The following DLG2 variants were observed in gnomAD, a reference collection of about 807,000 sequenced individuals.
DLG2 encodes the protein discs large MAGUK scaffold protein 2.
Under a neutral mutation model 132.5 loss-of-function variants are expected in DLG2, and 45 were observed. The observed-to-expected ratio is 0.34, with a 90% CI of 0.27 to 0.44. The LOEUF (loss-of-function observed/expected upper bound fraction) is 0.44, where lower values mean the gene tolerates loss of function less well. Among genes scored for constraint, DLG2 ranks in the 20% least tolerant of loss-of-function variants. The pLI, the probability that DLG2 is intolerant of heterozygous loss-of-function variation, is 1.00. For synonymous variants in DLG2, 424 were observed against 419.6 expected (o/e 1.01, Z -0.13); for missense variants, 1,045 against 1,196.9 (o/e 0.87, Z 1.87).
intron 5 of DLG2, among the ~76,000 whole-genome samples, chr11:85,144,382 T>A (rs1374723391): frequency 6.6e-6 from 1 of 151,076 alleles, no homozygotes; most frequent in Non-Finnish European, 1.5e-5. Context: ...TTAGCCACTT[T>A]ATGTTTTTCA....
chr11:83,911,843 A>G (rs1349203027), intron 15 of DLG2, among the ~76,000 whole-genome samples: 2 of 152,148 alleles, frequency 1.3e-5, no homozygotes, highest in African/African-American at 4.8e-5. Flanking sequence ...CTAAAAGAAA[A>G]GCAAAAGGTT....
chr11:83,860,366 C>A (rs1029282724), intron 16 of DLG2, among the ~76,000 whole-genome samples: 1 of 152,170 alleles, frequency 6.6e-6, no homozygotes, highest in Non-Finnish European at 1.5e-5. Context: ...CCATGGGAAC[C>A]CACCTCTTAC....
At chr11:84,347,775 G>C (rs954488477) in intron 7 of DLG2, among the ~76,000 whole-genome samples, 13 of 152,142 alleles carry the variant, frequency 8.5e-5, no homozygotes, top group African/African-American at 3.1e-4. Context: ...TGATATAATG[G>C]CAGTTTACCT....
intron 15 of DLG2, among the ~76,000 whole-genome samples, chr11:83,920,760 C>G (rs1488550010): frequency 6.9e-6 from 1 of 145,736 alleles, no homozygotes; most frequent in Non-Finnish European, 1.5e-5. Flanking sequence ...TAGAAAAGTC[C>G]CTTGCTCAAG....
chr11:83,875,714 C>T (rs995141308), intron 15 of DLG2, among the ~76,000 whole-genome samples: 5 of 152,056 alleles, frequency 3.3e-5, no homozygotes, highest in African/African-American at 1.2e-4. Context: ...TGTATATATA[C>T]ATATATGTAT....
Position 84,942,974 on chromosome 11 carries a change from C to T in DLG2, c.357+168687G>A, listed in dbSNP as rs116246380. ...TTGACCCCTTATCATTATATAATGA[C>T]GTTCTTTGTCTCTTTATATAGTTTT... is the stretch of plus-strand genomic sequence containing the variant. On this transcript the variant is annotated intron_variant, in intron 6 of 27. Transcript: ENST00000376104. Among the ~76,000 whole-genome samples the T allele has an allele frequency of 5.3e-3, 811 of 152,180 alleles. 6 individuals are homozygous for T. The highest frequency in any genetic ancestry group is 0.019 in the African/African-American group (786 of 41,510).
At chr11:84,615,391 T>C (rs1467777449) in intron 6 of DLG2, among the ~76,000 whole-genome samples, 1 of 152,132 alleles carries the variant, frequency 6.6e-6, no homozygotes, top group East Asian at 1.9e-4. Context: ...CTGCTCTTGG[T>C]CACCTGAAAT....
rs537924026 is a variant in DLG2 at position 84,578,409 on chromosome 11, A to C, written c.358-43678T>G. Among the ~76,000 whole-genome samples, 14 of 152,294 alleles carry C rather than the reference A, an allele frequency of 9.2e-5. No homozygotes were observed. The East Asian group carries it at 2.5e-3, about 27-fold the overall frequency. On this transcript the variant is annotated intron_variant, in intron 6 of 27. Transcript: ENST00000376104. ...GATGGAGGTTGTACCCTGCAAAGCC[A>C]CAGAGGCAGAGCTGCCCAAGAGCAT...
intron 19 of DLG2, among the ~76,000 whole-genome samples, chr11:83,551,278 T>A (rs2096384323): frequency 6.6e-6 from 1 of 152,154 alleles, no homozygotes; most frequent in Admixed American, 6.6e-5. Context: ...TATACCCTGG[T>A]TCTACTGTTA....
intron 3 of DLG2, among the ~76,000 whole-genome samples, chr11:85,402,740 A>C (rs890581038): frequency 3.9e-5 from 6 of 152,228 alleles, no homozygotes; most frequent in African/African-American, 1.4e-4. Context: ...CATATGAAAA[A>C]ATGCTCATCA....
At chr11:85,550,618 G>A (rs1359368976) in intron 3 of DLG2, among the ~76,000 whole-genome samples, 3 of 152,236 alleles carry the variant, frequency 2.0e-5, no homozygotes, top group African/African-American at 7.2e-5. Flanking sequence ...GGCACCCACT[G>A]TTGCAAGTCC....
At chr11:84,423,199 G>A (rs1364032361) in intron 7 of DLG2, among the ~76,000 whole-genome samples, 1 of 152,020 alleles carries the variant, frequency 6.6e-6, no homozygotes, top group Non-Finnish European at 1.5e-5. Flanking sequence ...GTACAACATT[G>A]CAAATGTATT....
At chr11:84,958,475 A>C (rs891674271) in intron 6 of DLG2, among the ~76,000 whole-genome samples, 3 of 152,216 alleles carry the variant, frequency 2.0e-5, no homozygotes, top group Non-Finnish European at 4.4e-5. Context: ...TAGGGCTTCC[A>C]AATTTGCCTC....
intron 6 of DLG2, among the ~76,000 whole-genome samples, chr11:84,616,047 A>G (rs2099603881): frequency 6.6e-6 from 1 of 152,028 alleles, no homozygotes; most frequent in Non-Finnish European, 1.5e-5. Flanking sequence ...AAATGACAAA[A>G]AAGTACTATG....
At chr11:85,079,079 G>C (rs973708677) in intron 6 of DLG2, among the ~76,000 whole-genome samples, 3 of 151,998 alleles carry the variant, frequency 2.0e-5, no homozygotes, top group African/African-American at 7.2e-5. Flanking sequence ...GTTCAGTCTG[G>C]AAAGGCAAGA....
intron 19 of DLG2, among the ~76,000 whole-genome samples, chr11:83,630,306 C>A (rs1368812173): frequency 6.6e-6 from 1 of 152,008 alleles, no homozygotes; most frequent in Non-Finnish European, 1.5e-5. Flanking sequence ...CCACCAGGAC[C>A]AGGGCTAGAG....
At chr11:85,346,959 G>A (rs1247569817) in intron 3 of DLG2, among the ~76,000 whole-genome samples, 2 of 152,014 alleles carry the variant, frequency 1.3e-5, no homozygotes, top group African/African-American at 4.8e-5. Context: ...CAAGGGTCAG[G>A]ATAAAGACTT....
chr11:85,485,889 C>A (rs945229697), intron 3 of DLG2, among the ~76,000 whole-genome samples: 1 of 152,140 alleles, frequency 6.6e-6, no homozygotes, highest in Non-Finnish European at 1.5e-5. Flanking sequence ...TGTCCTGAGG[C>A]AGGACTGACA....
chr11:84,685,698 G>T (rs1371010618), intron 6 of DLG2, among the ~76,000 whole-genome samples: 1 of 151,794 alleles, frequency 6.6e-6, no homozygotes, highest in Non-Finnish European at 1.5e-5. Context: ...ATTTTGCTCT[G>T]TATTTTCTGT....
Sources: gnomAD v4.1 joint callset for allele counts (sites outside exome capture counted in the v4.1 genomes callset) on GRCh38, gnomAD v4.1.1 for gene constraint, MANE v1.5 for transcripts, NCBI Gene and HGNC (gene_info 2026-07-23, HGNC 2026-07-21) for gene names.